Variants in FANCD2 observed in about 807,000 individuals in gnomAD.
FANCD2 encodes FA complementation group D2.
FANCD2 carries 131 observed loss-of-function variants against 192.3 expected under a neutral mutation model. The observed-to-expected ratio is 0.68, with a 90% CI of 0.59 to 0.79. The LOEUF (loss-of-function observed/expected upper bound fraction) is 0.79, where lower values mean the gene tolerates loss of function less well. Ranked by LOEUF, FANCD2 falls within the 30% of genes least tolerant of loss-of-function variation. The pLI, the probability that FANCD2 is intolerant of heterozygous loss-of-function variation, is 0.00. For missense variants in FANCD2, 1,508 were observed against 1,701.6 expected (o/e 0.89, Z 2.00); for synonymous variants, 524 against 612.5 (o/e 0.86, Z 2.13).
intron 14 of FANCD2, chr3:10,046,346 C>G: frequency 1.9e-6 from 1 of 533,282 alleles, no homozygotes; most frequent in South Asian, 2.0e-5. Context: ...AGCCACTGTG[C>G]CTGGCCTGCT....
chr3:10,085,688 CCT>C (rs1184194508), intron 32 of FANCD2, 122 bp from the exon 33 acceptor site: 4 of 755,736 alleles, frequency 5.3e-6, no homozygotes, highest in Non-Finnish European at 9.7e-6. Context: ...CCACGCCCGA[CCT>C]CTCAATTCTT....
At chr3:10,039,614 T>C in intron 8 of FANCD2, 107 bp from the exon 9 acceptor site, 2 of 1,269,280 alleles carry the variant, frequency 1.6e-6, no homozygotes, top group South Asian at 1.3e-5. Context: ...CAGAGATAAA[T>C]GACTGTGTTT....
chr3:10,099,169 A>G (rs1405351541), intron 43 of FANCD2: 1 of 1,430,548 alleles, frequency 7.0e-7, no homozygotes, highest in Non-Finnish European at 9.1e-7. Context: ...TAAACCATTT[A>G]AACACATTTG....
At chr3:10,029,273 G>C (rs940340268) in intron 2 of FANCD2, among the ~76,000 whole-genome samples, 7 of 152,188 alleles carry the variant, frequency 4.6e-5, no homozygotes, top group African/African-American at 1.4e-4. Context: ...GCTAAGGTGA[G>C]AGGGTCACCT....
intron 25 of FANCD2, among the ~76,000 whole-genome samples, chr3:10,066,219 A>C (rs1473143550): frequency 6.6e-6 from 1 of 152,176 alleles, no homozygotes; most frequent in Non-Finnish European, 1.5e-5. Flanking sequence ...TTCTCCCTAG[A>C]ATGACCTTCT....
At chr3:10,073,729 A>T (rs1459977176) in intron 28 of FANCD2, among the ~76,000 whole-genome samples, 2 of 152,286 alleles carry the variant, frequency 1.3e-5, no homozygotes, top group South Asian at 4.1e-4. Context: ...GGCCACATGG[A>T]TCCCAATTAT....
At chr3:10,061,686 A>G (rs1035064302) in intron 19 of FANCD2, among the ~76,000 whole-genome samples, 5 of 151,872 alleles carry the variant, frequency 3.3e-5, no homozygotes, top group African/African-American at 1.2e-4. Context: ...ATGTACGAAA[A>G]AGAAAAAAGA....
chr3:10,042,358 G>A (rs55829328), intron 10 of FANCD2, among the ~76,000 whole-genome samples: 13 of 152,240 alleles, frequency 8.5e-5, no homozygotes, highest in East Asian at 1.9e-4. Context: ...TTTATTGCCC[G>A]TCTATTTTTG....
In FANCD2 at chr3:10,040,120, C is replaced by T. The variant is rs370401475; in HGVS notation, c.695+275C>T. On this transcript the variant is annotated intron_variant, in intron 9 of 43. Transcript: ENST00000675286. The stretch of plus-strand genomic sequence containing the variant: ...TGCGATCTCAGCTCACTGCAACCTC[C>T]GCCTCCTGGGTTCACCCCATTCTCC... 7.7e-5 allele frequency: 33 copies of T among 431,082 alleles called. 1 individual carries two copies. Among genetic ancestry groups the T allele is most frequent in the South Asian group, 6.9e-4 (22 of 32,014 alleles). The allele number at this position is 431,082 out of a possible 1,614,324, so 26.7% of individuals were successfully genotyped here.
intron 20 of FANCD2, among the ~76,000 whole-genome samples, chr3:10,063,002 A>G (rs1447033455): frequency 6.6e-6 from 1 of 152,192 alleles, no homozygotes; most frequent in Admixed American, 6.5e-5. Context: ...CTCCCAGGCC[A>G]GTTGCATTTA....
At chr3:10,039,217 A>C in intron 7 of FANCD2, 62 bp from the exon 8 acceptor site, 1 of 1,232,722 alleles carries the variant, frequency 8.1e-7, no homozygotes, top group South Asian at 1.2e-5. Context: ...TGCAGTATTA[A>C]TGCTTGCTGT....
chr3:10,086,317 T>TG (rs1202783207), intron 33 of FANCD2, among the ~76,000 whole-genome samples: 1 of 152,132 alleles, frequency 6.6e-6, no homozygotes, highest in Admixed American at 6.6e-5. Context: ...CTTATGTGGC[T>TG]GAGGGGTAGG....
At chr3:10,029,529 G>C (rs1414789924) in intron 2 of FANCD2, among the ~76,000 whole-genome samples, 12 of 151,966 alleles carry the variant, frequency 7.9e-5, no homozygotes, top group African/African-American at 1.2e-4. Context: ...GGGGCGGGGA[G>C]GTTGATAGTT....
intron 41 of FANCD2, among the ~76,000 whole-genome samples, chr3:10,095,912 C>G (rs561448636): frequency 7.1e-6 from 1 of 141,318 alleles, no homozygotes; most frequent in Non-Finnish European, 1.5e-5. Context: ...GACGGAGTCT[C>G]GCTTTGTAGC....
chr3:10,043,338 A>G, intron 12 of FANCD2, 146 bp from the exon 13 acceptor site: 2 of 816,400 alleles, frequency 2.4e-6, no homozygotes, highest in Non-Finnish European at 4.2e-6. Flanking sequence ...ATTCAGATCA[A>G]TCCCAGACAG....
intron 43 of FANCD2, among the ~76,000 whole-genome samples, chr3:10,100,460 C>T (rs909124846): frequency 1.3e-5 from 2 of 152,166 alleles, no homozygotes; most frequent in Admixed American, 1.3e-4. Flanking sequence ...TGCAGTCTGT[C>T]TCCCGAGTTC....
At chr3:10,028,171 T>C (rs1200458219) in intron 1 of FANCD2, among the ~76,000 whole-genome samples, 1 of 152,186 alleles carries the variant, frequency 6.6e-6, no homozygotes, top group African/African-American at 2.4e-5. Context: ...ACCTGTACTT[T>C]TATAGCACTT....
At chr3:10,037,576 C>T (rs2086763004) in intron 7 of FANCD2, 2 of 152,068 alleles carry the variant, frequency 1.3e-5, no homozygotes, top group African/African-American at 4.8e-5. Context: ...AGCACGTATA[C>T]TAAAATTGGA....
intron 3 of FANCD2, among the ~76,000 whole-genome samples, chr3:10,033,642 G>C (rs2086655043): frequency 6.6e-6 from 1 of 150,656 alleles, no homozygotes; most frequent in African/African-American, 2.5e-5. Flanking sequence ...ATCTTGCTAA[G>C]GTTATGGCAG....
Sources: allele counts gnomAD v4.1 joint callset (sites outside exome capture counted in the v4.1 genomes callset), GRCh38; gene constraint gnomAD v4.1.1; transcripts MANE v1.5; gene names NCBI Gene and HGNC (gene_info 2026-07-23, HGNC 2026-07-21).